The following SPTBN5 variants were observed in gnomAD, a reference collection of about 807,000 sequenced individuals.
SPTBN5 encodes spectrin beta chain, non-erythrocytic 5.
A neutral mutation model predicts 477.6 loss-of-function variants in SPTBN5; 513 were observed. The ratio of observed to expected loss-of-function variants is 1.07; its 90% confidence interval spans 1.00 to 1.16. The LOEUF is 1.16. Among genes scored for constraint, SPTBN5 ranks in the 50% most tolerant of loss-of-function variants. SPTBN5 has a pLI of 0.00. For missense variants in SPTBN5, 5,062 were observed against 4,731.8 expected (o/e 1.07, Z -2.05); for synonymous variants, 2,169 against 2,011.7 (o/e 1.08, Z -2.09).
chr15:41,869,749 C>T (rs2066465695), intron 32 of SPTBN5, 92 bp downstream of exon 32: 2 of 1,290,454 alleles, frequency 1.5e-6, no homozygotes, highest in Non-Finnish European at 1.0e-6. Context: ...TGTTCTCCCT[C>T]CGGAGCTGGA....
In SPTBN5 at chr15:41,856,586, C is replaced by G; in HGVS notation, c.8821G>C (p.Glu2941Gln). 1 of 1,589,370 alleles carries G rather than the reference C, an allele frequency of 6.3e-7. No individual in the cohort carries two copies. Among genetic ancestry groups the G allele is most frequent in the Non-Finnish European group, 8.5e-7 (1 of 1,173,224 alleles). The change falls in exon 53 of 68, where the codon GAG becomes CAG. Residue 2941 changes from glutamate (E) to glutamine (Q), a missense_variant. By Grantham distance (29) the Glu-to-Gln change is conservative (BLOSUM62 2). Coordinates refer to ENST00000320955, the MANE Select transcript of SPTBN5 (RefSeq NM_016642.4). ...GTCAGAGCCTCGTGGCTGCTCATCT[C>G]ACTCTCCAGGTTCTGCGGGGGAGGA... ...LQEQHQNLES[E>Q]MSSHEALTRV...
At chr15:41,872,009 G>A in intron 27 of SPTBN5, 92 bp from the exon 28 acceptor site, 3 of 1,406,974 alleles carry the variant, frequency 2.1e-6, no homozygotes, top group Non-Finnish European at 2.8e-6. Context: ...TGAAAACTGG[G>A]GTTACTCATG....
chr15:41,857,716 G>T lies in SPTBN5; in HGVS notation c.8227-6C>A. 2 of 1,565,254 alleles carry T rather than the reference G, an allele frequency of 1.3e-6. No individual in the cohort carries two copies. Among genetic ancestry groups the T allele is most frequent in the Admixed American group, 1.8e-5 (1 of 54,204 alleles). ...TGCAGCAGCCTCTGTCCCTCCTGCA[G>T]CCACAACATGAAACACACCTTGTGG... On this transcript the variant is annotated splice_polypyrimidine_tract_variant and splice_region_variant and intron_variant, in intron 49 of 67. Coordinates refer to ENST00000320955, the MANE Select transcript of SPTBN5 (RefSeq NM_016642.4).
Position 41,851,226 on chromosome 15 carries a change from C to T in SPTBN5, c.10743+57G>A, listed in dbSNP as rs375658860. On this transcript the variant is annotated intron_variant, in intron 64 of 67. Transcript: ENST00000320955. The stretch of plus-strand genomic sequence containing the variant: ...TGTGGGGTCCCTCTGTCCTGGGGCC[C>T]CTCTGCCTTGCTTCCCAGCACCCTG... 1,646 of 1,563,732 alleles carry T rather than the reference C, an allele frequency of 1.1e-3. 5 individuals are homozygous for T. The highest frequency in any genetic ancestry group is 3.6e-3 in the South Asian group (308 of 85,360).
chr15:41,861,660 G>T, intron 45 of SPTBN5, 75 bp downstream of exon 45: 1 of 1,505,148 alleles, frequency 6.6e-7, no homozygotes, highest in South Asian at 1.3e-5. Flanking sequence ...TCTTAGCCTT[G>T]ACCAGAGGCT....
rs2066122609 is a variant in SPTBN5 at position 41,861,916 on chromosome 15, A to C, written c.7556T>G (p.Leu2519Arg). The change falls in exon 45 of 68, where the codon CTG becomes CGG. Residue 2519 changes from leucine to arginine, a missense_variant. Coordinates refer to ENST00000320955, the MANE Select transcript of SPTBN5 (RefSeq NM_016642.4). Reference protein sequence around the residue: ...LEEHQECKAELDSWTDSISLA... With the variant: ...LEEHQECKAERDSWTDSISLA... ...GCTGATGCTGTCTGTCCAGGAGTCC[A>C]GCTCGGCCTGGAACAGGACTGGGCT... 3 of 1,602,250 alleles carry C rather than the reference A, an allele frequency of 1.9e-6. No individual in the cohort carries two copies. The highest frequency in any genetic ancestry group is 3.4e-5 in the Admixed American group (2 of 59,316).
chr15:41,881,839 C>T (rs2066963150), intron 12 of SPTBN5, 97 bp downstream of exon 12: 2 of 1,218,772 alleles, frequency 1.6e-6, no homozygotes, highest in African/African-American at 1.6e-5. Flanking sequence ...GAATCCTGGG[C>T]CAGAGGCCAC....
At position 41,872,385 on chromosome 15, in the gene SPTBN5, G is replaced by A. The variant is rs1453699930; in HGVS notation, c.5082C>T (p.Gly1694=). Residue 1694 remains glycine (G), a synonymous_variant, in exon 27 of 68, where the codon GGC becomes GGT. Transcript: ENST00000320955. ...CACGCTGCTGCTCAGGGACTTCGGG[G>A]CCAGTGAGGGTTTGGGCCGTCTGGT... The part of the protein sequence containing the change: ...ELDQTAQTLT[G]PEVPEQQRVV... The A allele has an allele frequency of 6.2e-7, 1 of 1,608,278 alleles. No homozygotes were observed. The highest frequency in any genetic ancestry group is 8.5e-7 in the Non-Finnish European group (1 of 1,178,022).
rs761317964 is a variant in SPTBN5 at position 41,863,700 on chromosome 15, G to A, written c.7149+4C>T. The A allele has an allele frequency of 5.3e-5, 86 of 1,611,100 alleles. No homozygotes were observed. The highest frequency in any genetic ancestry group is 6.9e-5 in the Non-Finnish European group (81 of 1,178,092). On this transcript the variant is annotated splice_donor_region_variant and intron_variant, in intron 41 of 67. Transcript: ENST00000320955. The stretch of plus-strand genomic sequence containing the variant: ...CCCCACCGGGACCTCTTTCCACCAC[G>A]TACCTTCTCCTGAATCCTCTTGGTG...
intron 3 of SPTBN5, among the ~76,000 whole-genome samples, chr15:41,891,801 T>A (rs2067321678): frequency 6.6e-6 from 1 of 152,164 alleles, no homozygotes; most frequent in African/African-American, 2.4e-5. Context: ...ACACATTCCC[T>A]GTGTGTTTGC....
In SPTBN5 at chr15:41,856,453, C is replaced by A; in HGVS notation, c.8954G>T (p.Arg2985Leu). The A allele has an allele frequency of 6.3e-7, 1 of 1,595,742 alleles. No homozygotes were observed. Among genetic ancestry groups the A allele is most frequent in the Non-Finnish European group, 8.5e-7 (1 of 1,172,076 alleles). ...QQLEKAMAHL[R>L]AEAARRRLLL... ...AAGCCGCCTCCGCGCCGCCTCTGCC[C>A]GCAGGTGGGCCATGGCCTTCTCCAG... The change falls in exon 53 of 68, where the codon CGG becomes CTG. Residue 2985 changes from arginine to leucine, a missense_variant. Transcript: ENST00000320955.
Position 41,864,029 on chromosome 15 carries a change from A to G in SPTBN5, c.6919-5T>C. The G allele has an allele frequency of 6.2e-7, 1 of 1,610,522 alleles. No homozygotes were observed. Among genetic ancestry groups the G allele is most frequent in the Non-Finnish European group, 8.5e-7 (1 of 1,178,418 alleles). On this transcript the variant is annotated splice_polypyrimidine_tract_variant and splice_region_variant and intron_variant, in intron 39 of 67. Coordinates refer to ENST00000320955, the MANE Select transcript of SPTBN5 (RefSeq NM_016642.4). ...GCAGGCATCACCCACTGTGTCCTGC[A>G]GGGGAGGTATGGGTGAGGGCATTGG...
At chr15:41,855,019 CA>C (rs1220283956) in intron 55 of SPTBN5, 43 bp from the exon 56 acceptor site, 1 of 1,502,428 alleles carries the variant, frequency 6.7e-7, no homozygotes, top group East Asian at 2.3e-5. Flanking sequence ...GAGATGGTAT[CA>C]TGAGCTCTCA....
rs549167057 is a variant in SPTBN5 at position 41,885,524 on chromosome 15, C to G, written c.1520+211G>C. Among the ~76,000 whole-genome samples, 5 of 152,266 alleles carry G rather than the reference C, an allele frequency of 3.3e-5. No homozygotes were observed. The East Asian group carries it at 5.8e-4, about 18-fold the overall frequency. ...GTTTAGTGGATGAATCAGAGGCTACCTAGAAAGTGAAAGTGCTTCACCAAT... is the reference window on the plus strand; with the variant it reads ...GTTTAGTGGATGAATCAGAGGCTACGTAGAAAGTGAAAGTGCTTCACCAAT... On this transcript the variant is annotated intron_variant, in intron 7 of 67. Transcript: ENST00000320955.
Position 41,886,268 on chromosome 15 carries a change from C to T in SPTBN5, c.987G>A (p.Leu329=), listed in dbSNP as rs2140966515. The T allele has an allele frequency of 6.2e-7, 1 of 1,613,334 alleles. No individual in the cohort carries two copies. The highest frequency in any genetic ancestry group is 8.5e-7 in the Non-Finnish European group (1 of 1,179,890). ...LRWIAEKQMQ[L]EARDFPDSLP... ...GCGAGTCTGGAAAATCCCGCGCCTC[C>T]AGCTGCATCTGCTTCTCTGCAATCC... is the stretch of plus-strand genomic sequence containing the variant. The change falls in exon 7 of 68, where the codon CTG becomes CTA. Residue 329 remains leucine (L), a synonymous_variant. Transcript: ENST00000320955.
chr15:41,872,243 C>A, intron 27 of SPTBN5, 59 bp downstream of exon 27: 1 of 1,555,406 alleles, frequency 6.4e-7, no homozygotes, highest in South Asian at 1.2e-5. Flanking sequence ...GGCATGGGAA[C>A]AGTCAGCTGT....
Position 41,854,875 on chromosome 15 carries a change from AC to A in SPTBN5, c.9524del (p.Gly3175ValfsTer27), listed in dbSNP as rs1236847645. 10 of 1,609,084 alleles carry A rather than the reference AC, an allele frequency of 6.2e-6. No individual in the cohort carries two copies. In the East Asian group the frequency reaches 2.2e-4, roughly 36 times the overall value. ...LRKLAGTLER[G>X]APRRYPHIQA... ...GGATGTGGGGATAGCGCCTGGGTGC[AC>A]CCCGCTCCAGGGTGCCTGCCAACTT... On this transcript the variant is annotated frameshift_variant, in exon 56 of 68. Transcript: ENST00000320955. LOFTEE classifies it high-confidence loss of function.
chr15:41,876,576 C>T lies in SPTBN5; in HGVS notation c.3923G>A (p.Arg1308Lys). The change falls in exon 20 of 68, where the codon AGG becomes AAG. Residue 1308 changes from arginine to lysine, a missense_variant. Coordinates refer to ENST00000320955, the MANE Select transcript of SPTBN5 (RefSeq NM_016642.4). ...GAGCTGGAGGGAAGCCAGCAACTGC[C>T]TCCTCCTCTGCTCACTCCTCCCCTG... The part of the protein sequence containing the change: ...RLQGRSEQRR[R>K]QLLASLQLQE... 6.2e-7 allele frequency: 1 copy of T among 1,606,010 alleles called. No individual in the cohort carries two copies. Among genetic ancestry groups the T allele is most frequent in the Non-Finnish European group, 8.5e-7 (1 of 1,176,666 alleles).
In SPTBN5 at chr15:41,883,144, C is replaced by T; in HGVS notation, c.1744G>A (p.Val582Ile). 1 of 1,612,808 alleles carries T rather than the reference C, an allele frequency of 6.2e-7. No homozygotes were observed. ...CTCACATGGGCTCCGTGGGCCGAGA[C>T]TTGAGCCTCCAGCAGGTCATGCCTC... Reference protein sequence around the residue: ...LQRHDLLEAQVSAHGAHVSHL... With the variant: ...LQRHDLLEAQISAHGAHVSHL... Residue 582 changes from valine (V) to isoleucine (I), a missense_variant, in exon 9 of 68, where the codon GTC becomes ATC. Coordinates refer to ENST00000320955, the MANE Select transcript of SPTBN5 (RefSeq NM_016642.4).
Sources: allele counts gnomAD v4.1 joint callset (sites outside exome capture counted in the v4.1 genomes callset), GRCh38; gene constraint gnomAD v4.1.1; transcripts MANE v1.5; gene names NCBI Gene and HGNC (gene_info 2026-07-23, HGNC 2026-07-21).